FBXO25: variants seen among roughly 807,000 people sequenced by gnomAD.
The protein encoded by FBXO25 is F-box only protein 25.
A neutral mutation model predicts 51.9 loss-of-function variants in FBXO25; 45 were observed. The observed-to-expected ratio is 0.87, with a 90% confidence interval of 0.68 to 1.11. The LOEUF is 1.11. FBXO25 is among the 50% of genes most tolerant of loss of function. FBXO25 has a pLI of 0.00. For synonymous variants in FBXO25, 199 were observed against 151.0 expected, an observed-to-expected ratio of 1.32 and a Z score of -2.33; for missense variants, 507 against 428.5, an observed-to-expected ratio of 1.18 and a Z score of -1.62.
intron 2 of FBXO25, among the ~76,000 whole-genome samples, chr8:422,981 G>A (rs1013544843): frequency 3.4e-5 from 5 of 146,256 alleles, no homozygotes; most frequent in Non-Finnish European, 7.7e-5. Flanking sequence ...GAGAACTTAT[G>A]CTCCATTTGG....
chr8:429,403 C>A lies in FBXO25; in HGVS notation c.135-1938C>A, dbSNP rs532950607. ...TTTTAATCAAGTTGTTGGGCAGGTT[C>A]CCTTGTTTTTAAGTCAGAGTAGGTG... On this transcript the variant is annotated intron_variant, in intron 2 of 9. Transcript: ENST00000350302. Among the ~76,000 whole-genome samples, 4 of 152,026 alleles carry A rather than the reference C, an allele frequency of 2.6e-5. No individual in the cohort carries two copies. The East Asian group carries it at 7.8e-4, about 29-fold the overall frequency.
intron 9 of FBXO25, among the ~76,000 whole-genome samples, chr8:467,496 TC>T (rs1261130995): frequency 2.0e-5 from 3 of 152,250 alleles, no homozygotes; most frequent in African/African-American, 7.2e-5. Flanking sequence ...AAGACTGTCT[TC>T]AAGTAGTTTG....
intron 1 of FBXO25, among the ~76,000 whole-genome samples, chr8:411,173 A>C (rs551751546): frequency 2.8e-4 from 43 of 152,374 alleles, no homozygotes; most frequent in African/African-American, 9.9e-4. Flanking sequence ...GTGAAATTAA[A>C]GTAATACATT....
At chr8:430,683 G>C (rs954561824) in intron 2 of FBXO25, among the ~76,000 whole-genome samples, 2 of 152,162 alleles carry the variant, frequency 1.3e-5, no homozygotes, top group African/African-American at 4.8e-5. Context: ...TGAGGATGTG[G>C]ATTACTATTT....
intron 8 of FBXO25, among the ~76,000 whole-genome samples, chr8:462,489 C>G (rs1343878058): frequency 6.6e-6 from 1 of 152,102 alleles, no homozygotes; most frequent in Non-Finnish European, 1.5e-5. Flanking sequence ...CTTGGTATTC[C>G]ATTATACAGG....
Position 468,702 on chromosome 8 carries a change from C to T in FBXO25, c.988-13C>T, listed in dbSNP as rs779950120. The T allele has an allele frequency of 3.3e-5, 54 of 1,612,096 alleles. No individual in the cohort carries two copies. The highest frequency in any genetic ancestry group is 4.5e-5 in the Non-Finnish European group (53 of 1,178,912). On this transcript the variant is annotated splice_polypyrimidine_tract_variant and intron_variant, in intron 9 of 9. Coordinates refer to ENST00000350302, the MANE Select transcript of FBXO25 (RefSeq NM_183420.2). ...GTGGGGCCCCCTCCTAACCATCTCC[C>T]ACCTCCCCACAGGACTCAGGACACC...
intron 7 of FBXO25, among the ~76,000 whole-genome samples, 179 bp from the exon 8 acceptor site, chr8:458,190 C>T (rs1461896329): frequency 6.6e-6 from 1 of 152,228 alleles, no homozygotes; most frequent in East Asian, 1.9e-4. Context: ...TTGCTCTCCT[C>T]CTCCAGCCTT....
chr8:421,183 G>A (rs1053072603), intron 2 of FBXO25, among the ~76,000 whole-genome samples: 1 of 152,204 alleles, frequency 6.6e-6, no homozygotes, highest in South Asian at 2.1e-4. Flanking sequence ...AACTGTGTAT[G>A]TGAATGATCT....
At position 433,045 on chromosome 8, in the gene FBXO25, A is replaced by G. The variant is rs1023285259; in HGVS notation, c.288+110A>G. Reference sequence around the variant, plus strand: ...TTGCATAAAACACATTTCTTTTGCAATATCAGATCTATGGTTCACATTCTG... The same window carrying G: ...TTGCATAAAACACATTTCTTTTGCAGTATCAGATCTATGGTTCACATTCTG... On this transcript the variant is annotated intron_variant, in intron 4 of 9. Transcript: ENST00000350302. 49 of 1,257,882 alleles carry G rather than the reference A, an allele frequency of 3.9e-5. No homozygotes were observed. The African/African-American group carries it at 6.5e-4, about 17-fold the overall frequency. The allele number at this position is 1,257,882 out of a possible 1,614,324, so 77.9% of individuals were successfully genotyped here.
intron 5 of FBXO25, among the ~76,000 whole-genome samples, chr8:440,668 A>G (rs1390467773): frequency 6.6e-6 from 1 of 151,986 alleles, no homozygotes; most frequent in Non-Finnish European, 1.5e-5. Context: ...TACACATGCC[A>G]TGGTGGTTTG....
chr8:444,738 C>CT (rs1035531430), intron 5 of FBXO25, among the ~76,000 whole-genome samples: 25 of 152,056 alleles, frequency 1.6e-4, no homozygotes, highest in African/African-American at 5.5e-4. Context: ...AGATTATTTC[C>CT]TTTTTTTACT....
At chr8:449,087 T>A (rs1240858826) in intron 5 of FBXO25, among the ~76,000 whole-genome samples, 2 of 146,686 alleles carry the variant, frequency 1.4e-5, no homozygotes, top group Non-Finnish European at 3.0e-5. Flanking sequence ...CTGGTAAAAG[T>A]AAAAGATTTC....
At chr8:464,171 T>C (rs1469631683) in intron 9 of FBXO25, among the ~76,000 whole-genome samples, 1 of 152,166 alleles carries the variant, frequency 6.6e-6, no homozygotes, top group Non-Finnish European at 1.5e-5. Flanking sequence ...ATGGCTGGTC[T>C]CAAAACTCCC....
chr8:454,323 C>T (rs544608002), intron 7 of FBXO25, among the ~76,000 whole-genome samples: 1 of 152,186 alleles, frequency 6.6e-6, no homozygotes, highest in Non-Finnish European at 1.5e-5. Context: ...TTCATGTGCA[C>T]ATCTCTGTGA....
intron 2 of FBXO25, among the ~76,000 whole-genome samples, chr8:419,394 C>T (rs1160115483): frequency 5.3e-5 from 8 of 151,980 alleles, no homozygotes; most frequent in African/African-American, 1.9e-4. Context: ...ACAAGGTTTA[C>T]TATAAAATGT....
intron 2 of FBXO25, among the ~76,000 whole-genome samples, chr8:427,365 A>G (rs1425517844): frequency 6.7e-6 from 1 of 150,168 alleles, no homozygotes; most frequent in Non-Finnish European, 1.5e-5. Context: ...TGAAATTATC[A>G]CAGTCTGCAT....
chr8:464,088 C>T (rs987356690), intron 9 of FBXO25, among the ~76,000 whole-genome samples: 2 of 152,166 alleles, frequency 1.3e-5, no homozygotes, highest in Admixed American at 1.3e-4. Flanking sequence ...CCCACCTCAG[C>T]CTCCTGAGTA....
At chr8:446,096 G>C (rs990604923) in intron 5 of FBXO25, among the ~76,000 whole-genome samples, 6 of 152,070 alleles carry the variant, frequency 3.9e-5, no homozygotes, top group African/African-American at 1.5e-4. Flanking sequence ...CTTCTGTAAT[G>C]TAGCATGCTG....
At chr8:435,966 G>A (rs551151940) in intron 5 of FBXO25, among the ~76,000 whole-genome samples, 4 of 152,320 alleles carry the variant, frequency 2.6e-5, no homozygotes, top group South Asian at 4.1e-4. Context: ...GGTTGCTGAG[G>A]ATGCCACAAG....
Sources: gnomAD v4.1 joint callset for allele counts (sites outside exome capture counted in the v4.1 genomes callset) on GRCh38, gnomAD v4.1.1 for gene constraint, MANE v1.5 for transcripts, NCBI Gene and HGNC (gene_info 2026-07-23, HGNC 2026-07-21) for gene names.